The following METTL24 variants were observed in gnomAD, a reference collection of about 807,000 sequenced individuals.
The protein encoded by METTL24 is methyltransferase like 24, also known as probable methyltransferase-like protein 24.
Under a neutral mutation model 32.7 loss-of-function variants are expected in METTL24, and 29 were observed. That is an observed-to-expected ratio of 0.89 (90% CI 0.66 to 1.21). The LOEUF is 1.21. METTL24 is among the 50% of genes most tolerant of loss of function. The pLI is 0.00. For synonymous variants in METTL24, 163 were observed against 179.5 expected, an observed-to-expected ratio of 0.91 and a Z score of 0.73; for missense variants, 439 against 468.1, an observed-to-expected ratio of 0.94 and a Z score of 0.57.
chr6:110,311,911 T>C (rs1397540916), intron 3 of METTL24, among the ~76,000 whole-genome samples: 1 of 152,212 alleles, frequency 6.6e-6, no homozygotes, highest in African/African-American at 2.4e-5. Context: ...TGTTTTGCAA[T>C]TGAGTTGTTT....
intron 4 of METTL24, among the ~76,000 whole-genome samples, chr6:110,286,468 G>A (rs973894906): frequency 1.3e-5 from 2 of 152,144 alleles, no homozygotes; most frequent in African/African-American, 4.8e-5. Flanking sequence ...CTTTGCTTAT[G>A]GTGTGTTGTT....
intron 4 of METTL24, among the ~76,000 whole-genome samples, chr6:110,264,633 G>A (rs375024233): frequency 6.6e-6 from 1 of 152,036 alleles, no homozygotes; most frequent in Non-Finnish European, 1.5e-5. Context: ...TATATACCCA[G>A]AGGATTATAA....
intron 1 of METTL24, 138 bp from the exon 2 acceptor site, chr6:110,323,010 C>T (rs1272930336): frequency 1.4e-5 from 8 of 583,546 alleles, no homozygotes; most frequent in Admixed American, 3.0e-5. Context: ...CAGCAGGAGG[C>T]TCTTTGCGAG....
At position 110,262,390 on chromosome 6, in the gene METTL24, A is replaced by G. The variant is rs1177809220; in HGVS notation, c.787-16130T>C. On this transcript the variant is annotated intron_variant, in intron 4 of 4. Transcript: ENST00000338882. The stretch of plus-strand genomic sequence containing the variant: ...AGAAGAAATGGATAAATTCCTCGAC[A>G]CATACACCATCCCAAGACTAAACCA... Among the ~76,000 whole-genome samples the G allele has an allele frequency of 2.0e-5, 3 of 152,220 alleles. No homozygotes were observed. In the East Asian group the frequency reaches 5.8e-4, roughly 29 times the overall value.
chr6:110,262,772 T>C (rs1186720007), intron 4 of METTL24, among the ~76,000 whole-genome samples: 1 of 152,178 alleles, frequency 6.6e-6, no homozygotes, highest in Non-Finnish European at 1.5e-5. Context: ...TTATCCACCA[T>C]GATCAAGTGG....
At chr6:110,282,469 A>G (rs1582399698) in intron 4 of METTL24, among the ~76,000 whole-genome samples, 1 of 152,098 alleles carries the variant, frequency 6.6e-6, no homozygotes, top group East Asian at 1.9e-4. Flanking sequence ...ACAGTCTTTC[A>G]TGAAAGGTAT....
At chr6:110,297,995 G>A (rs1771450750) in intron 4 of METTL24, among the ~76,000 whole-genome samples, 1 of 151,956 alleles carries the variant, frequency 6.6e-6, no homozygotes, top group South Asian at 2.1e-4. Context: ...GAAGAAAGGA[G>A]GCAGAGAAAA....
chr6:110,327,644 C>T (rs978290193), intron 1 of METTL24, among the ~76,000 whole-genome samples: 2 of 152,144 alleles, frequency 1.3e-5, no homozygotes, highest in African/African-American at 2.4e-5. Flanking sequence ...CCATGGAAAC[C>T]GCTAGCTTTT....
intron 4 of METTL24, among the ~76,000 whole-genome samples, chr6:110,256,891 C>T (rs543655447): frequency 6.6e-5 from 10 of 152,234 alleles, no homozygotes; most frequent in African/African-American, 1.9e-4. Context: ...TTTGTGTGCC[C>T]GTTTCTCTAT....
At chr6:110,354,017 T>C (rs1029872404) in intron 1 of METTL24, among the ~76,000 whole-genome samples, 1 of 152,206 alleles carries the variant, frequency 6.6e-6, no homozygotes, top group African/African-American at 2.4e-5. Context: ...TTTTTATGCA[T>C]GCATAGTATG....
rs897456094 is a variant in METTL24 at position 110,244,723 on chromosome 6, G to A, written c.*1223C>T. 6.6e-6 allele frequency among the ~76,000 whole-genome samples: 1 copy of A among 152,096 alleles called. No homozygotes were observed. The highest frequency in any genetic ancestry group is 1.5e-5 in the Non-Finnish European group (1 of 68,020). ...TCAGTATCATGAGAATAGCATGGAG[G>A]AAACCAACCCCATGATTCAATTACC... On this transcript the variant is annotated 3_prime_UTR_variant, in exon 5 of 5. Coordinates refer to ENST00000338882, the MANE Select transcript of METTL24 (RefSeq NM_001123364.3).
chr6:110,302,842 A>G (rs910108392), intron 3 of METTL24, among the ~76,000 whole-genome samples: 37 of 152,102 alleles, frequency 2.4e-4, no homozygotes, highest in Non-Finnish European at 4.9e-4. Flanking sequence ...AGTTGTAAGA[A>G]GTATGTAAAT....
At chr6:110,259,365 A>G (rs533905335) in intron 4 of METTL24, among the ~76,000 whole-genome samples, 158 of 152,274 alleles carry the variant, frequency 1.0e-3, no homozygotes, top group African/African-American at 3.6e-3. Flanking sequence ...AGCCTTGCTC[A>G]TTGCTTGCAC....
chr6:110,329,716 AC>A (rs1031149860), intron 1 of METTL24, among the ~76,000 whole-genome samples: 78 of 152,260 alleles, frequency 5.1e-4, no homozygotes, highest in African/African-American at 1.8e-3. Context: ...TGTTTCTCAG[AC>A]CCGGCCCTGC....
At position 110,315,357 on chromosome 6, in the gene METTL24, C is replaced by T. The variant is rs763224983; in HGVS notation, c.542G>A (p.Arg181His). 1.1e-5 allele frequency: 17 copies of T among 1,613,978 alleles called. No homozygotes were observed. Among genetic ancestry groups the T allele is most frequent in the African/African-American group, 4.0e-5 (3 of 74,914 alleles). The change falls in exon 3 of 5, where the codon CGC becomes CAC. Residue 181 changes from arginine to histidine, a missense_variant. By Grantham distance (29) the Arg-to-His change is conservative. Transcript: ENST00000338882. The part of the protein sequence containing the change: ...LAHQIRNKQC[R>H]LYSLGLGSDD... ...ATGTACTCACCCTAAGGAGTAGAGG[C>T]GGCACTGCTTGTTGCGGATTTGATG...
intron 4 of METTL24, among the ~76,000 whole-genome samples, chr6:110,292,001 AT>A (rs1767159028): frequency 6.6e-6 from 1 of 152,228 alleles, no homozygotes; most frequent in Admixed American, 6.5e-5. Context: ...ATTGCTTTGC[AT>A]TGTAAATTCT....
rs115643200 is a variant in METTL24, at chr6:110,345,190, G to A, written c.318+12765C>T. Among the ~76,000 whole-genome samples, 389 of 152,152 alleles carry A rather than the reference G, an allele frequency of 2.6e-3. 1 individual carries two copies. Among genetic ancestry groups the A allele is most frequent in the African/African-American group, 8.8e-3 (367 of 41,522 alleles). ...TATGAAAAAAAAATCTCAATATTAC[G>A]GATCAGTAGAGAAATGTAAATCAAA... On this transcript the variant is annotated intron_variant, in intron 1 of 4. Coordinates refer to ENST00000338882, the MANE Select transcript of METTL24 (RefSeq NM_001123364.3).
intron 1 of METTL24, among the ~76,000 whole-genome samples, chr6:110,339,714 T>C (rs1209964698): frequency 6.6e-6 from 1 of 152,240 alleles, no homozygotes; most frequent in Non-Finnish European, 1.5e-5. Context: ...TCTATGTATA[T>C]GTTTTTGTGA....
At chr6:110,339,921 C>T (rs183957104) in intron 1 of METTL24, among the ~76,000 whole-genome samples, 286 of 152,222 alleles carry the variant, frequency 1.9e-3, no homozygotes, top group Middle Eastern at 6.8e-3. Context: ...TGGAGGAATA[C>T]GAACATAAAC....
Sources: gnomAD v4.1 joint callset for allele counts (sites outside exome capture counted in the v4.1 genomes callset) on GRCh38, gnomAD v4.1.1 for gene constraint, MANE v1.5 for transcripts, NCBI Gene and HGNC (gene_info 2026-07-23, HGNC 2026-07-21) for gene names.